The following TSGA10 variants were observed in gnomAD, a reference collection of about 807,000 sequenced individuals.
The protein encoded by TSGA10 is testis specific 10, also known as testis-specific gene 10 protein.
In TSGA10, 43 loss-of-function variants were observed where a neutral mutation model predicts 96.6. The ratio of observed to expected loss-of-function variants is 0.44; its 90% confidence interval spans 0.35 to 0.57. The LOEUF (loss-of-function observed/expected upper bound fraction) is 0.57. Among genes scored for constraint, TSGA10 ranks in the 20% least tolerant of loss-of-function variants. TSGA10 has a pLI of 0.01. For missense variants in TSGA10, 703 were observed against 834.4 expected, an observed-to-expected ratio of 0.84 and a Z score of 1.94; for synonymous variants, 229 against 269.9, an observed-to-expected ratio of 0.85 and a Z score of 1.48.
At chr2:99,031,245 T>G (rs77710501) in intron 17 of TSGA10, among the ~76,000 whole-genome samples, 6,201 of 146,232 alleles carry the variant, frequency 0.042, 292 homozygotes, top group East Asian at 0.2. Context: ...AAAGATAGCT[T>G]TTTAAACAAA....
intron 2 of TSGA10, among the ~76,000 whole-genome samples, chr2:99,123,866 G>A (rs1463229761): frequency 6.6e-6 from 1 of 152,144 alleles, no homozygotes; most frequent in Non-Finnish European, 1.5e-5. Context: ...GCCATATTTT[G>A]TTTATCCATT....
In TSGA10 at chr2:99,109,417, C is replaced by T. The variant is rs1367324909; in HGVS notation, c.23G>A (p.Ser8Asn). 1 of 1,613,972 alleles carries T rather than the reference C, an allele frequency of 6.2e-7. No individual in the cohort carries two copies. Among genetic ancestry groups the T allele is most frequent in the South Asian group, 1.1e-5 (1 of 91,074 alleles). ...GGCAGTTGGTGATGGGCGTCTTGGACTTTTAGACCTACTTCGCATCATCTT... is the reference window on the plus strand; with the variant it reads ...GGCAGTTGGTGATGGGCGTCTTGGATTTTTAGACCTACTTCGCATCATCTT... Reference protein sequence around the residue: MMRSRSKSPRRPSPTARG... With the variant: MMRSRSKNPRRPSPTARG... Residue 8 changes from serine (S) to asparagine (N), a missense_variant, in exon 6 of 21, where the codon AGT becomes AAT. By Grantham distance (46) the Ser-to-Asn change is conservative. This residue lies in a region of TSGA10 where 585 missense variants were observed against 656.8 expected (regional missense o/e 0.89). Transcript: ENST00000393483.
chr2:99,123,499 T>C (rs2092683932), intron 2 of TSGA10, among the ~76,000 whole-genome samples: 1 of 152,188 alleles, frequency 6.6e-6, no homozygotes, highest in South Asian at 2.1e-4. Flanking sequence ...TATTTTCAGT[T>C]ACTTTATTTT....
intron 1 of TSGA10, among the ~76,000 whole-genome samples, chr2:99,133,033 T>C (rs1364597250): frequency 6.6e-6 from 1 of 152,156 alleles, no homozygotes; most frequent in African/African-American, 2.4e-5. Flanking sequence ...TTAGAATAAG[T>C]GTGATGTGTT....
chr2:99,040,426 A>C (rs2082076458), intron 16 of TSGA10, among the ~76,000 whole-genome samples: 1 of 152,196 alleles, frequency 6.6e-6, no homozygotes, highest in Non-Finnish European at 1.5e-5. Context: ...TACAAAATCA[A>C]TGTACATAAA....
At chr2:99,122,176 T>G (rs2092607556) in intron 2 of TSGA10, among the ~76,000 whole-genome samples, 1 of 152,232 alleles carries the variant, frequency 6.6e-6, no homozygotes, top group African/African-American at 2.4e-5. Context: ...TTATAAGTGT[T>G]GAAATCATGA....
chr2:99,104,532 T>C (rs1412406247), intron 9 of TSGA10, among the ~76,000 whole-genome samples: 5 of 151,996 alleles, frequency 3.3e-5, no homozygotes, highest in Non-Finnish European at 1.5e-5. Flanking sequence ...TGAAGTGCAG[T>C]GGCGCGATCT....
chr2:98,998,099 C>G lies in TSGA10; in HGVS notation c.*98G>C, dbSNP rs1440299745. ...AAGTTAATAAATACATTTAACATTG[C>G]CAAGCATTTAAAAGATAAATGCACT... On this transcript the variant is annotated 3_prime_UTR_variant, in exon 21 of 21. Coordinates refer to ENST00000393483, the MANE Select transcript of TSGA10 (RefSeq NM_025244.4). The G allele has an allele frequency of 1.1e-5, 11 of 998,176 alleles. No homozygotes were observed. Among genetic ancestry groups the G allele is most frequent in the Non-Finnish European group, 1.5e-5 (10 of 655,316 alleles). The allele number at this position is 998,176 out of a possible 1,614,324, so 61.8% of individuals were successfully genotyped here.
chr2:99,003,744 G>A (rs1040324703), intron 20 of TSGA10, among the ~76,000 whole-genome samples: 4 of 152,158 alleles, frequency 2.6e-5, no homozygotes. Context: ...GATGTTCTTT[G>A]AAACTAATGA....
At chr2:99,045,447 G>T (rs537316991) in intron 16 of TSGA10, among the ~76,000 whole-genome samples, 4 of 152,258 alleles carry the variant, frequency 2.6e-5, no homozygotes, top group Middle Eastern at 3.4e-3. Context: ...TTAAAGAAAA[G>T]AATTTTCAAC....
At chr2:99,104,236 T>C (rs547377811) in intron 9 of TSGA10, 118 bp from the exon 10 acceptor site, 2 of 1,220,830 alleles carry the variant, frequency 1.6e-6, no homozygotes, top group African/African-American at 1.5e-5. Context: ...GATGAGATTA[T>C]CAGGTTAGAC....
chr2:99,018,445 C>T, intron 19 of TSGA10, 91 bp downstream of exon 19: 1 of 1,564,812 alleles, frequency 6.4e-7, no homozygotes, highest in Non-Finnish European at 8.7e-7. Context: ...ATCTAACCAT[C>T]ATGAAAGAAC....
intron 16 of TSGA10, among the ~76,000 whole-genome samples, chr2:99,062,825 T>C (rs1278777016): frequency 6.6e-6 from 1 of 152,170 alleles, no homozygotes; most frequent in Non-Finnish European, 1.5e-5. Context: ...AAGGATTATC[T>C]CAAAACTTGT....
At chr2:99,056,826 A>C (rs920851285) in intron 16 of TSGA10, among the ~76,000 whole-genome samples, 11 of 151,546 alleles carry the variant, frequency 7.3e-5, no homozygotes. Context: ...CAAAAAAAAA[A>C]AAAAAAAAAC....
At chr2:99,089,523 C>T (rs909736435) in intron 10 of TSGA10, among the ~76,000 whole-genome samples, 2 of 152,152 alleles carry the variant, frequency 1.3e-5, no homozygotes, top group African/African-American at 2.4e-5. Flanking sequence ...GTTCTCAGCC[C>T]TGCTTGCCCA....
intron 11 of TSGA10, among the ~76,000 whole-genome samples, chr2:99,079,175 C>A (rs1259437710): frequency 1.3e-5 from 2 of 152,088 alleles, no homozygotes; most frequent in African/African-American, 2.4e-5. Context: ...TGTAGTTTCC[C>A]CTCCCCTCCC....
intron 14 of TSGA10, among the ~76,000 whole-genome samples, chr2:99,071,192 A>C (rs980661663): frequency 2.6e-5 from 4 of 152,132 alleles, no homozygotes; most frequent in Admixed American, 2.6e-4. Context: ...AGGATTTTTA[A>C]ATGTTCACGT....
chr2:99,061,294 T>C (rs766264798), intron 16 of TSGA10, among the ~76,000 whole-genome samples: 8 of 152,216 alleles, frequency 5.3e-5, no homozygotes, highest in Admixed American at 2.0e-4. Context: ...TTCAACATCA[T>C]TAGTCGTGAG....
chr2:99,013,016 A>T (rs139407915), intron 20 of TSGA10, among the ~76,000 whole-genome samples: 1 of 152,040 alleles, frequency 6.6e-6, no homozygotes, highest in East Asian at 1.9e-4. Context: ...TTTTTGTCTC[A>T]TTTTCATTGA....
Sources: gnomAD v4.1 joint callset for allele counts (sites outside exome capture counted in the v4.1 genomes callset) on GRCh38, gnomAD v4.1.1 for gene constraint, gnomAD v4.1.1 regional missense constraint, MANE v1.5 for transcripts, NCBI Gene and HGNC (gene_info 2026-07-23, HGNC 2026-07-21) for gene names.